ATAD3A: variants seen among roughly 807,000 people sequenced by gnomAD.
The protein encoded by ATAD3A is ATPase family AAA domain containing 3A, also known as ATPase family AAA domain-containing protein 3A.
ATAD3A carries 46 observed loss-of-function variants against 73.8 expected under a neutral mutation model. That is an observed-to-expected ratio of 0.62 (90% CI 0.49 to 0.80). ATAD3A has a LOEUF of 0.80. ATAD3A is among the 30% of genes least tolerant of loss of function. The pLI is 0.00. For synonymous variants in ATAD3A, 319 were observed against 350.0 expected (o/e 0.91, Z 0.99); for missense variants, 705 against 838.0 (o/e 0.84, Z 1.96).
chr1:1,525,415 T>G (rs1570346568), intron 12 of ATAD3A, 124 bp downstream of exon 12: 10 of 559,332 alleles, frequency 1.8e-5, no homozygotes, highest in Non-Finnish European at 2.2e-5. Context: ...AAAAACAGCT[T>G]TTTTTTTTTT....
Position 1,523,968 on chromosome 1 carries a change from A to C in ATAD3A, c.1089+4A>C, listed in dbSNP as rs1291456282. 1.2e-6 allele frequency: 2 copies of C among 1,613,762 alleles called. No individual in the cohort carries two copies. Among genetic ancestry groups the C allele is most frequent in the Non-Finnish European group, 1.7e-6 (2 of 1,179,990 alleles). On this transcript the variant is annotated splice_donor_region_variant and intron_variant, in intron 10 of 15. Transcript: ENST00000378756. The surrounding 1 kb of genome is among the most constrained non-coding windows in gnomAD (Gnocchi z 5.1). Reference sequence around the variant, plus strand: ...CGGGAAGACGCTGTTTGCCAAGGTGAGAGCGCCTGGCTGAACAGGTGGGCC... The same window carrying C: ...CGGGAAGACGCTGTTTGCCAAGGTGCGAGCGCCTGGCTGAACAGGTGGGCC...
chr1:1,521,786 A>G (rs979530022), intron 7 of ATAD3A, among the ~76,000 whole-genome samples: 1 of 151,968 alleles, frequency 6.6e-6, no homozygotes, highest in South Asian at 2.1e-4. Context: ...TGCAACCTCC[A>G]CCTCCCCAGT....
rs1015551844 is a variant in ATAD3A, at chr1:1,523,661, A to C, written c.963+94A>C. On this transcript the variant is annotated intron_variant, in intron 9 of 15. Transcript: ENST00000378756. This position sits in a 1 kb window ranked among gnomAD's most constrained non-coding sequence, Gnocchi z 5.1. ...CTTGCTGGCGCTCGTGGTGGCACCC[A>C]GGAGCTTTTGGGTCCTGAGATGCGA... 3 of 1,600,432 alleles carry C rather than the reference A, an allele frequency of 1.9e-6. No homozygotes were observed. The highest frequency in any genetic ancestry group is 2.6e-6 in the Non-Finnish European group (3 of 1,173,106).
intron 7 of ATAD3A, among the ~76,000 whole-genome samples, chr1:1,521,869 T>C (rs930467523): frequency 7.9e-5 from 12 of 151,922 alleles, no homozygotes; most frequent in South Asian, 6.2e-4. Flanking sequence ...TCAGCTAATA[T>C]AGGCCTGTGC....
intron 14 of ATAD3A, 96 bp downstream of exon 14, chr1:1,527,958 C>CTTTTTTTTTTTTTTTTTTTTTTT (rs376072450): frequency 1.1e-6 from 1 of 878,940 alleles, no homozygotes; most frequent in African/African-American, 2.0e-5. Flanking sequence ...TTTAACATTC[C>CTTTTTTTTTTTTTTTTTTTTTTT]TTTTTTTTTT....
intron 11 of ATAD3A, 110 bp from the exon 12 acceptor site, chr1:1,525,130 C>T (rs1177012746): frequency 1.4e-6 from 2 of 1,457,852 alleles, no homozygotes; most frequent in East Asian, 2.3e-5. Flanking sequence ...GGGGCAGAGC[C>T]TGACCCCGTG....
chr1:1,519,097 G>C (rs539796261), intron 5 of ATAD3A, 107 bp downstream of exon 5: 2 of 1,595,988 alleles, frequency 1.3e-6, no homozygotes, highest in African/African-American at 2.7e-5. Context: ...ATAGCTACCA[G>C]TGCAGTGGGC....
In ATAD3A at chr1:1,518,938, G is replaced by T. The variant is rs148953950; in HGVS notation, c.462G>T (p.Glu154Asp). The change falls in exon 5 of 16, where the codon GAG becomes GAT. Residue 154 changes from glutamate to aspartate, a missense_variant. Transcript: ENST00000378756. Reference protein sequence around the residue: ...QLKQQQLLNEENLRKQEESVQ... With the variant: ...QLKQQQLLNEDNLRKQEESVQ... The stretch of plus-strand genomic sequence containing the variant: ...CTTCTCAGCAACTTCTCAATGAGGA[G>T]AATTTACGGAAGCAGGAGGAGTCCG... 55 of 1,614,052 alleles carry T rather than the reference G, an allele frequency of 3.4e-5. No individual in the cohort carries two copies. Among genetic ancestry groups the T allele is most frequent in the Admixed American group, 5.0e-5 (3 of 60,006 alleles).
At position 1,529,264 on chromosome 1, in the gene ATAD3A, C is replaced by T. The variant is rs780948590; in HGVS notation, c.1547C>T (p.Ser516Leu). 1.2e-5 allele frequency: 20 copies of T among 1,608,130 alleles called. No homozygotes were observed. The highest frequency in any genetic ancestry group is 6.7e-5 in the South Asian group (6 of 90,036). Residue 516 changes from serine to leucine, a missense_variant, in exon 15 of 16, where the codon TCG (serine) becomes TTG (leucine). Around this residue, in one of 5 missense-constraint regions of ATAD3A, gnomAD observed 252 missense variants for 278.5 expected, o/e 0.90. Coordinates refer to ENST00000378756, the MANE Select transcript of ATAD3A (RefSeq NM_001170535.3). ...LAQFDYGRKCSEVARLTEGMS... is the reference protein window; with the variant it reads ...LAQFDYGRKCLEVARLTEGMS... ...CAGTTTGACTACGGGAGGAAGTGCTCGGAGGTCGCTCGGCTGACGGAGGGC... is the reference window on the plus strand; with the variant it reads ...CAGTTTGACTACGGGAGGAAGTGCTTGGAGGTCGCTCGGCTGACGGAGGGC...
At chr1:1,526,572 G>A in intron 13 of ATAD3A, 41 bp downstream of exon 13, 1 of 1,611,480 alleles carries the variant, frequency 6.2e-7, no homozygotes, top group Non-Finnish European at 8.5e-7. Flanking sequence ...GGGCAGGGCT[G>A]TGCAGCCGTC....
intron 2 of ATAD3A, chr1:1,517,078 G>A (rs777248994): frequency 2.0e-6 from 3 of 1,515,398 alleles, no homozygotes; most frequent in East Asian, 2.5e-5. Flanking sequence ...GGGGTGTCCG[G>A]CCTCCCTCCC....
intron 14 of ATAD3A, among the ~76,000 whole-genome samples, chr1:1,528,822 A>G (rs949404876): frequency 2.0e-5 from 3 of 151,960 alleles, no homozygotes; most frequent in South Asian, 2.1e-4. Flanking sequence ...CAGTTTCCCT[A>G]TGCCCTCCCC....
chr1:1,529,426 G>A (rs527747097), intron 15 of ATAD3A, 95 bp downstream of exon 15: 779 of 1,492,706 alleles, frequency 5.2e-4, no homozygotes, highest in Non-Finnish European at 6.5e-4. Flanking sequence ...GGTGTCACGC[G>A]GGAGCTTCTG....
intron 2 of ATAD3A, chr1:1,517,100 G>T: frequency 6.5e-7 from 1 of 1,532,738 alleles, no homozygotes; most frequent in Non-Finnish European, 8.8e-7. Flanking sequence ...GGGGGCCTTC[G>T]CGGGCTTCTG....
At chr1:1,532,109 C>T (rs1036432144) in intron 15 of ATAD3A, among the ~76,000 whole-genome samples, 15 of 152,160 alleles carry the variant, frequency 9.9e-5, no homozygotes, top group East Asian at 3.9e-4. Flanking sequence ...GATTTTTGTA[C>T]GTTGAACTAT....
Position 1,517,877 on chromosome 1 carries a change from G to A in ATAD3A, c.444+102G>A, listed in dbSNP as rs1358698485. ...GAGGCCACGGGGCAAGAACGCTGGG[G>A]TTGCTGACGGTGGGTGCTAGAGCAG... On this transcript the variant is annotated intron_variant, in intron 4 of 15. Transcript: ENST00000378756. The A allele has an allele frequency of 3.2e-6, 5 of 1,560,456 alleles. No homozygotes were observed. The Admixed American group carries it at 8.4e-5, about 26-fold the overall frequency.
Position 1,534,453 on chromosome 1 carries a change from A to T in ATAD3A, c.*381A>T. 1 of 1,197,352 alleles carries T rather than the reference A, an allele frequency of 8.4e-7. No individual in the cohort carries two copies. The highest frequency in any genetic ancestry group is 1.1e-6 in the Non-Finnish European group (1 of 938,674). 74.2% of individuals were successfully genotyped at this position (1,197,352 alleles called of 1,614,324 possible). On this transcript the variant is annotated 3_prime_UTR_variant, in exon 16 of 16. Transcript: ENST00000378756. ...GGTGATGTCTTTGTTCTCGGCTCCC[A>T]CAGCAGAGCCAGGTGAGGGGGCGCC... is the stretch of plus-strand genomic sequence containing the variant.
rs1022004487 is a variant in ATAD3A at position 1,534,333 on chromosome 1, CA to C, written c.*262del. The C allele has an allele frequency of 7.1e-7, 1 of 1,412,242 alleles. No individual in the cohort carries two copies. The highest frequency in any genetic ancestry group is 9.2e-7 in the Non-Finnish European group (1 of 1,086,800). The allele number at this position is 1,412,242 out of a possible 1,614,324, so 87.5% of individuals were successfully genotyped here. On this transcript the variant is annotated 3_prime_UTR_variant, in exon 16 of 16. Transcript: ENST00000378756. ...TGGGAGATGCATTTTCCGTCTGGCT[CA>C]CAGGGGGAGGGTGAGGCTTTGCACC... is the stretch of plus-strand genomic sequence containing the variant.
At chr1:1,514,005 C>T (rs1641278853) in intron 1 of ATAD3A, among the ~76,000 whole-genome samples, 1 of 152,000 alleles carries the variant, frequency 6.6e-6, no homozygotes, top group Non-Finnish European at 1.5e-5. Context: ...TCTGTGAGCA[C>T]CAGCGCTCGC....
Sources: allele counts gnomAD v4.1 joint callset (sites outside exome capture counted in the v4.1 genomes callset), GRCh38; gene constraint gnomAD v4.1.1; regional missense constraint gnomAD v4.1.1; non-coding constraint Gnocchi (gnomAD v3.1); transcripts MANE v1.5; gene names NCBI Gene and HGNC (gene_info 2026-07-23, HGNC 2026-07-21).